The following ATP8B4 variants were observed in gnomAD, a reference collection of about 807,000 sequenced individuals.
ATP8B4 encodes ATPase phospholipid transporting 8B4 (putative), also known as probable phospholipid-transporting ATPase IM.
ATP8B4 carries 133 observed loss-of-function variants against 145.6 expected under a neutral mutation model. The ratio of observed to expected loss-of-function variants is 0.91; its 90% CI spans 0.79 to 1.05. ATP8B4 has a LOEUF of 1.05. ATP8B4 is among the 50% of genes least tolerant of loss of function. The pLI is 0.00. For synonymous variants in ATP8B4, 507 were observed against 492.9 expected, an observed-to-expected ratio of 1.03 and a Z score of -0.38; for missense variants, 1,458 against 1,425.2, an observed-to-expected ratio of 1.02 and a Z score of -0.37.
At chr15:49,935,529 T>C (rs1264554662) in intron 14 of ATP8B4, among the ~76,000 whole-genome samples, 1 of 152,136 alleles carries the variant, frequency 6.6e-6, no homozygotes, top group Non-Finnish European at 1.5e-5. Context: ...GTACTTTTAA[T>C]GTTTTCAATC....
rs775591310 is a variant in ATP8B4 at position 50,162,518 on chromosome 15, TC to T, written c.-43+19742del. Among the ~76,000 whole-genome samples the T allele has an allele frequency of 1.2e-4, 18 of 152,100 alleles. 1 individual carries two copies. Among genetic ancestry groups the T allele is most frequent in the Non-Finnish European group, 2.1e-4 (14 of 67,916 alleles). ...CAAGTTTTATTCTTTTTTGTTTTTT[TC>T]TTTTTTAGATGGAGTCTCGCTCTGT... On this transcript the variant is annotated intron_variant, in intron 1 of 3. Transcript: ENST00000558829.
chr15:49,971,779 C>T (rs1244932858), intron 13 of ATP8B4, among the ~76,000 whole-genome samples: 3 of 152,088 alleles, frequency 2.0e-5, no homozygotes, highest in African/African-American at 4.8e-5. Context: ...GGGTATATAC[C>T]CAAAGGATTA....
chr15:50,061,229 C>T (rs948922480), intron 3 of ATP8B4, among the ~76,000 whole-genome samples: 3 of 151,782 alleles, frequency 2.0e-5, no homozygotes, highest in South Asian at 4.2e-4. Context: ...TTTTTCCCTC[C>T]ACTTTCAATT....
chr15:49,893,060 C>G (rs1036778933), intron 23 of ATP8B4, among the ~76,000 whole-genome samples: 1 of 152,174 alleles, frequency 6.6e-6, no homozygotes, highest in Non-Finnish European at 1.5e-5. Flanking sequence ...GATGAAGTCA[C>G]ACAAATGCTC....
chr15:49,955,795 T>C (rs1472484937), intron 14 of ATP8B4, among the ~76,000 whole-genome samples: 1 of 152,200 alleles, frequency 6.6e-6, no homozygotes, highest in Non-Finnish European at 1.5e-5. Context: ...ATTATTCCAC[T>C]TTTATGAGAT....
At chr15:50,148,236 T>C (rs1292011454) in intron 1 of ATP8B4, among the ~76,000 whole-genome samples, 1 of 152,070 alleles carries the variant, frequency 6.6e-6, no homozygotes, top group African/African-American at 2.4e-5. Context: ...TTAATGTCAA[T>C]TAAAGACCAA....
intron 3 of ATP8B4, among the ~76,000 whole-genome samples, chr15:50,064,113 T>A (rs781449499): frequency 5.9e-5 from 9 of 152,138 alleles, no homozygotes; most frequent in Non-Finnish European, 1.2e-4. Context: ...AATTCCACAC[T>A]GAGATTCCAC....
At chr15:50,020,682 CCCAGTTTTCT>C (rs1346512990) in intron 6 of ATP8B4, among the ~76,000 whole-genome samples, 1 of 152,232 alleles carries the variant, frequency 6.6e-6, no homozygotes, top group East Asian at 1.9e-4. Flanking sequence ...ATGCTTCTTC[CCCAGTTTTCT>C]CCATCTTGGA....
At chr15:50,050,685 C>G (rs1312979733) in intron 3 of ATP8B4, among the ~76,000 whole-genome samples, 1 of 150,236 alleles carries the variant, frequency 6.7e-6, no homozygotes, top group Non-Finnish European at 1.5e-5. Context: ...CTATGGCAAA[C>G]TACTAGAGAC....
At chr15:49,897,255 CAAA>C (rs1713091459) in intron 23 of ATP8B4, 34 bp downstream of exon 23, 1 of 1,528,404 alleles carries the variant, frequency 6.5e-7, no homozygotes, top group African/African-American at 1.4e-5. Flanking sequence ...CAAAAACAAA[CAAA>C]CAAACAAACA....
At chr15:49,976,048 G>A (rs2045630976) in intron 12 of ATP8B4, among the ~76,000 whole-genome samples, 1 of 152,086 alleles carries the variant, frequency 6.6e-6, no homozygotes, top group Non-Finnish European at 1.5e-5. Context: ...AGTTCTAAAA[G>A]TACATGACAT....
intron 1 of ATP8B4, among the ~76,000 whole-genome samples, chr15:50,138,956 T>C (rs1281121773): frequency 7.2e-5 from 11 of 152,188 alleles, no homozygotes; most frequent in Non-Finnish European, 1.5e-4. Flanking sequence ...CTGGCAAGGC[T>C]GTGGAAAAAA....
At chr15:49,909,565 C>G (rs982730502) in intron 20 of ATP8B4, among the ~76,000 whole-genome samples, 1 of 151,760 alleles carries the variant, frequency 6.6e-6, no homozygotes, top group Non-Finnish European at 1.5e-5. Context: ...ACCCTTGGAC[C>G]CAAAGACAGG....
In ATP8B4 at chr15:49,967,247, A is replaced by C. The variant is rs2044637947; in HGVS notation, c.1244-5227T>G. On this transcript the variant is annotated intron_variant, in intron 13 of 27. Transcript: ENST00000284509. Reference sequence around the variant, plus strand: ...GATCACAACTGCTCACCAGCAAGGGAACAAAACTGGACAGAGAATGAGTTT... The same window carrying C: ...GATCACAACTGCTCACCAGCAAGGGCACAAAACTGGACAGAGAATGAGTTT... 2.0e-5 allele frequency among the ~76,000 whole-genome samples: 3 copies of C among 152,200 alleles called. No homozygotes were observed. In the South Asian group the frequency reaches 6.2e-4, roughly 32 times the overall value.
At chr15:49,946,815 A>C (rs1004278123) in intron 14 of ATP8B4, among the ~76,000 whole-genome samples, 4 of 152,208 alleles carry the variant, frequency 2.6e-5, no homozygotes, top group African/African-American at 9.6e-5. Context: ...TTCCTGGAAC[A>C]CTGGGAAGAA....
intron 8 of ATP8B4, among the ~76,000 whole-genome samples, chr15:50,000,484 T>C (rs1377223737): frequency 6.6e-6 from 1 of 152,208 alleles, no homozygotes; most frequent in Non-Finnish European, 1.5e-5. Flanking sequence ...TATTTGCCAT[T>C]TGTACGTCCT....
chr15:50,028,487 G>T (rs1226947118), intron 6 of ATP8B4, among the ~76,000 whole-genome samples: 2 of 152,150 alleles, frequency 1.3e-5, no homozygotes, highest in African/African-American at 2.4e-5. Flanking sequence ...TTCATCTGCA[G>T]AGCCTGTATA....
intron 6 of ATP8B4, among the ~76,000 whole-genome samples, chr15:50,029,597 A>G (rs1197536489): frequency 6.6e-6 from 1 of 152,144 alleles, no homozygotes; most frequent in Non-Finnish European, 1.5e-5. Flanking sequence ...TTTTCCAACT[A>G]AGATCATATT....
intron 20 of ATP8B4, among the ~76,000 whole-genome samples, chr15:49,907,254 TCAGA>T (rs2038723560): frequency 6.6e-6 from 1 of 152,222 alleles, no homozygotes; most frequent in African/African-American, 2.4e-5. Context: ...TGTTCTGTCC[TCAGA>T]CAGAAAGAGG....
Sources: gnomAD v4.1 joint callset for allele counts (sites outside exome capture counted in the v4.1 genomes callset) on GRCh38, gnomAD v4.1.1 for gene constraint, MANE v1.5 for transcripts, NCBI Gene and HGNC (gene_info 2026-07-23, HGNC 2026-07-21) for gene names.